The following ABCC3 variants were observed in gnomAD, a reference collection of about 807,000 sequenced individuals.
ABCC3 encodes ATP binding cassette subfamily C member 3.
ABCC3 carries 121 observed loss-of-function variants against 165.3 expected under a neutral mutation model. The observed-to-expected ratio is 0.73, with a 90% CI of 0.63 to 0.85. The LOEUF (loss-of-function observed/expected upper bound fraction) is 0.85. Ranked by LOEUF, ABCC3 falls within the 40% of genes least tolerant of loss-of-function variation. The pLI is 0.00. For missense variants in ABCC3, 1,869 were observed against 1,964.1 expected (o/e 0.95, Z 0.92); for synonymous variants, 733 against 810.1 (o/e 0.90, Z 1.62).
chr17:50,640,238 T>C (rs554889557), intron 1 of ABCC3, among the ~76,000 whole-genome samples: 11 of 152,332 alleles, frequency 7.2e-5, no homozygotes, highest in African/African-American at 2.6e-4. Context: ...GCAAGTGCTC[T>C]ATCCCCAGGG....
At chr17:50,665,945 G>GA (rs1967518386) in intron 11 of ABCC3, among the ~76,000 whole-genome samples, 1 of 151,542 alleles carries the variant, frequency 6.6e-6, no homozygotes. Context: ...CTGCCCATAG[G>GA]AAAAATGACA....
Position 50,687,712 on chromosome 17 carries a change from C to G in ABCC3, c.4457C>G (p.Thr1486Ser). ...TVLTIAHRLN[T>S]IMDYTRVLVL... ...CTGACCATCGCACACCGGCTTAACA[C>G]TATCATGGACTACACCAGGTGGGAC... The change falls in exon 30 of 31, where the codon ACT becomes AGT. Residue 1486 changes from threonine (T) to serine (S), a missense_variant. Transcript: ENST00000285238. 2.5e-6 allele frequency: 4 copies of G among 1,614,014 alleles called. No homozygotes were observed. In the South Asian group the frequency reaches 4.4e-5, roughly 18 times the overall value.
In ABCC3 at chr17:50,673,007, A is replaced by T. The variant is rs989703658; in HGVS notation, c.2278A>T (p.Ser760Cys). 2 of 1,613,944 alleles carry T rather than the reference A, an allele frequency of 1.2e-6. No individual in the cohort carries two copies. Among genetic ancestry groups the T allele is most frequent in the African/African-American group, 2.7e-5 (2 of 74,908 alleles). The change falls in exon 18 of 31, where the codon AGT (serine) becomes TGT (cysteine). Residue 760 changes from serine (S) to cysteine (C), a missense_variant. Coordinates refer to ENST00000285238, the MANE Select transcript of ABCC3 (RefSeq NM_003786.4). ...NLSGGQRQRVSLARAVYSDAD... is the reference protein window; with the variant it reads ...NLSGGQRQRVCLARAVYSDAD... ...GTCTGGGGGCCAGCGGCAGCGGGTC[A>T]GTCTGGCTCGAGCTGTTTACAGTGA...
intron 14 of ABCC3, 140 bp from the exon 15 acceptor site, chr17:50,668,713 C>T: frequency 1.2e-6 from 1 of 813,602 alleles, no homozygotes; most frequent in Non-Finnish European, 2.0e-6. Flanking sequence ...ACATCCCTTT[C>T]TTCCTCCCTT....
chr17:50,673,657 C>T lies in ABCC3; in HGVS notation c.2598C>T (p.Thr866=), dbSNP rs780423528. The T allele has an allele frequency of 1.4e-5, 23 of 1,613,920 alleles. No individual in the cohort carries two copies. Among genetic ancestry groups the T allele is most frequent in the South Asian group, 4.4e-5 (4 of 91,058 alleles). ...EDQGHLEDSW[T]ALEGAEDKEA... is the part of the protein sequence containing the mutation. ...AAGGGCACCTGGAGGACAGCTGGAC[C>T]GGTATCTGCCATCCTGGGCCCTCTG... Residue 866 remains threonine (T), a splice_region_variant and synonymous_variant, in exon 19 of 31, where the codon ACC becomes ACT. Coordinates refer to ENST00000285238, the MANE Select transcript of ABCC3 (RefSeq NM_003786.4).
intron 23 of ABCC3, among the ~76,000 whole-genome samples, chr17:50,676,892 G>C (rs113459842): frequency 7.3e-5 from 11 of 149,916 alleles, no homozygotes; most frequent in Non-Finnish European, 1.2e-4. Flanking sequence ...TTTTTGGGGG[G>C]GGGGGGACGG....
At chr17:50,655,404 C>CAAAAAAAAAAAAAAAAA (rs58586394) in intron 1 of ABCC3, among the ~76,000 whole-genome samples, 1 of 56,536 alleles carries the variant, frequency 1.8e-5, no homozygotes, top group African/African-American at 7.0e-5. Flanking sequence ...GACTCTGTCT[C>CAAAAAAAAAAAAAAAAA]AAAAAAAAAA....
intron 26 of ABCC3, among the ~76,000 whole-genome samples, chr17:50,682,467 A>G (rs1185888576): frequency 6.6e-6 from 1 of 150,458 alleles, no homozygotes; most frequent in Non-Finnish European, 1.5e-5. Flanking sequence ...AAGGCCCTAC[A>G]TGATGGAGCC....
chr17:50,645,108 G>A lies in ABCC3; in HGVS notation c.45+10127G>A, dbSNP rs1966977895. Among the ~76,000 whole-genome samples the A allele has an allele frequency of 1.3e-5, 2 of 151,920 alleles. 1 individual carries two copies. The highest frequency in any genetic ancestry group is 4.2e-4 in the South Asian group (2 of 4,812). On this transcript the variant is annotated intron_variant, in intron 1 of 30. Coordinates refer to ENST00000285238, the MANE Select transcript of ABCC3 (RefSeq NM_003786.4). The stretch of plus-strand genomic sequence containing the variant: ...TCCAGCTACCCAGGAGGCTGAGGTG[G>A]GAGAATCGCTTGAACCCTGGAGGCA...
In ABCC3 at chr17:50,691,117, G is replaced by T; in HGVS notation, c.4501G>T (p.Val1501Leu). The T allele has an allele frequency of 6.2e-7, 1 of 1,614,122 alleles. No homozygotes were observed. Among genetic ancestry groups the T allele is most frequent in the Non-Finnish European group, 8.5e-7 (1 of 1,179,958 alleles). The change falls in exon 31 of 31, where the codon GTA (valine) becomes TTA (leucine). Residue 1501 changes from valine to leucine, a missense_variant. Transcript: ENST00000285238. Reference protein sequence around the residue: ...TRVLVLDKGVVAEFDSPANLI... With the variant: ...TRVLVLDKGVLAEFDSPANLI... The stretch of plus-strand genomic sequence containing the variant: ...GGTCCTGGTCCTGGACAAAGGAGTA[G>T]TAGCTGAATTTGATTCTCCAGCCAA...
chr17:50,672,228 C>T (rs1445778882), intron 17 of ABCC3, among the ~76,000 whole-genome samples: 1 of 152,194 alleles, frequency 6.6e-6, no homozygotes, highest in East Asian at 1.9e-4. Context: ...AATATTTCAA[C>T]CATATCACCT....
At position 50,634,990 on chromosome 17, in the gene ABCC3, C is replaced by T. The variant is rs972102232; in HGVS notation, c.45+9C>T. ...TCGGCTCCAAGTTCTGGGTAAGGCGCGGGGCTCCGGGGTCACTGCGCGGGG... is the reference window on the plus strand; with the variant it reads ...TCGGCTCCAAGTTCTGGGTAAGGCGTGGGGCTCCGGGGTCACTGCGCGGGG... On this transcript the variant is annotated intron_variant, in intron 1 of 30. Coordinates refer to ENST00000285238, the MANE Select transcript of ABCC3 (RefSeq NM_003786.4). The T allele has an allele frequency of 1.6e-6, 2 of 1,256,294 alleles. No homozygotes were observed. Among genetic ancestry groups the T allele is most frequent in the East Asian group, 3.1e-5 (1 of 32,488 alleles). The allele number at this position is 1,256,294 out of a possible 1,614,324, so 77.8% of individuals were successfully genotyped here.
chr17:50,686,177 G>A (rs1021012594), intron 29 of ABCC3, among the ~76,000 whole-genome samples: 33 of 152,244 alleles, frequency 2.2e-4, no homozygotes, highest in African/African-American at 8.0e-4. Flanking sequence ...CTGGGTGACC[G>A]AGCGAGACTT....
chr17:50,658,085 G>A lies in ABCC3; in HGVS notation c.490G>A (p.Glu164Lys), dbSNP rs1967293033. 7.4e-6 allele frequency: 12 copies of A among 1,614,062 alleles called. No individual in the cohort carries two copies. Among genetic ancestry groups the A allele is most frequent in the African/African-American group, 4.0e-5 (3 of 74,936 alleles). The change falls in exon 5 of 31, where the codon GAG (glutamate) becomes AAG (lysine). Residue 164 changes from glutamate (E) to lysine (K), a missense_variant. By Grantham distance (56) the Glu-to-Lys change is moderately conservative. Transcript: ENST00000285238. The part of the protein sequence containing the change: ...SKILLAKAEG[E>K]ISDPFRFTTF... ...GCCCCTCCACTCTCCCACCCAGGGTGAGATCTCAGACCCCTTCCGCTTCAC... is the reference window on the plus strand; with the variant it reads ...GCCCCTCCACTCTCCCACCCAGGGTAAGATCTCAGACCCCTTCCGCTTCAC...
intron 1 of ABCC3, among the ~76,000 whole-genome samples, chr17:50,644,874 C>T (rs1274421032): frequency 2.0e-5 from 3 of 152,214 alleles, no homozygotes; most frequent in South Asian, 2.1e-4. Flanking sequence ...AAAAATTAGA[C>T]GGGCATGGTG....
rs753043408 is a variant in ABCC3 at position 50,659,235 on chromosome 17, A to C, written c.675-2A>C. The C allele has an allele frequency of 4.3e-6, 7 of 1,613,286 alleles. No homozygotes were observed. In the African/African-American group the frequency reaches 6.7e-5, roughly 15 times the overall value. ...TGCCTGCCGGGCTTCACCTCCCCCC[A>C]GGATGGCCATCTATGGCTACCGGCA... On this transcript the variant is annotated splice_acceptor_variant, in intron 6 of 30. Transcript: ENST00000285238. LOFTEE classifies it high-confidence loss of function.
chr17:50,684,717 C>A lies in ABCC3; in HGVS notation c.4122C>A (p.Ile1374=), dbSNP rs1339413535. ...CCACGTTGTATCCCCAGGACCCCAT[C>A]CTGTTCTCGGGGACCCTGCGCATGA... The part of the protein sequence containing the change: ...SQLTIIPQDP[I]LFSGTLRMNL... The change falls in exon 29 of 31, where the codon ATC becomes ATA. Residue 1374 remains isoleucine, a synonymous_variant. Coordinates refer to ENST00000285238, the MANE Select transcript of ABCC3 (RefSeq NM_003786.4). 2 of 1,613,986 alleles carry A rather than the reference C, an allele frequency of 1.2e-6. No homozygotes were observed. Among genetic ancestry groups the A allele is most frequent in the Non-Finnish European group, 1.7e-6 (2 of 1,179,962 alleles).
chr17:50,666,728 C>T (rs1436234119), intron 11 of ABCC3, among the ~76,000 whole-genome samples: 1 of 152,172 alleles, frequency 6.6e-6, no homozygotes, highest in Non-Finnish European at 1.5e-5. Flanking sequence ...TAGCCCATGG[C>T]CTGGCACATA....
chr17:50,663,368 C>G, intron 8 of ABCC3: 1 of 373,242 alleles, frequency 2.7e-6, no homozygotes, highest in Non-Finnish European at 5.0e-6. Context: ...TCAATGGAAA[C>G]GTGGCATTTC....
Sources: allele counts gnomAD v4.1 joint callset (sites outside exome capture counted in the v4.1 genomes callset), GRCh38; gene constraint gnomAD v4.1.1; transcripts MANE v1.5; gene names NCBI Gene and HGNC (gene_info 2026-07-23, HGNC 2026-07-21).